The following ARHGAP24 variants were observed in gnomAD, a reference collection of about 807,000 sequenced individuals.
The protein encoded by ARHGAP24 is Rho GTPase activating protein 24, also known as rho GTPase-activating protein 24.
ARHGAP24 carries 50 observed loss-of-function variants against 76.4 expected under a neutral mutation model. The ratio of observed to expected loss-of-function variants is 0.65; its 90% CI spans 0.52 to 0.83. ARHGAP24 has a LOEUF of 0.83. Ranked by LOEUF, ARHGAP24 falls within the 40% of genes least tolerant of loss-of-function variation. The pLI, the probability that ARHGAP24 is intolerant of heterozygous loss-of-function variation, is 0.00. For synonymous variants in ARHGAP24, 345 were observed against 323.3 expected (o/e 1.07, Z -0.72); for missense variants, 930 against 914.2 (o/e 1.02, Z -0.22).
intron 3 of ARHGAP24, among the ~76,000 whole-genome samples, chr4:85,832,561 G>A (rs564164190): frequency 2.3e-4 from 35 of 152,290 alleles, no homozygotes; most frequent in African/African-American, 7.9e-4. Flanking sequence ...TGCCATGTGC[G>A]GTGTTCAATG....
At chr4:85,647,069 G>GT (rs1206659640) in intron 2 of ARHGAP24, among the ~76,000 whole-genome samples, 2 of 152,074 alleles carry the variant, frequency 1.3e-5, no homozygotes, top group Non-Finnish European at 2.9e-5. Context: ...AAGAAACCAT[G>GT]TGATAGTAGG....
At chr4:85,901,237 A>G (rs1032605803) in intron 3 of ARHGAP24, among the ~76,000 whole-genome samples, 11 of 152,190 alleles carry the variant, frequency 7.2e-5, no homozygotes, top group African/African-American at 2.2e-4. Context: ...TGATTTACCA[A>G]TCTGAGTTGC....
chr4:85,553,348 C>T (rs1290726603), intron 1 of ARHGAP24, among the ~76,000 whole-genome samples: 2 of 152,284 alleles, frequency 1.3e-5, no homozygotes, highest in Middle Eastern at 3.4e-3. Context: ...TATTTGGCCC[C>T]ACCCACATCC....
At chr4:85,547,055 A>G (rs1725947986) in intron 1 of ARHGAP24, among the ~76,000 whole-genome samples, 1 of 152,216 alleles carries the variant, frequency 6.6e-6, no homozygotes, top group Non-Finnish European at 1.5e-5. Context: ...AATGATCAAA[A>G]AAAGAAAATG....
At chr4:85,542,659 GAAAT>G (rs1016366597) in intron 1 of ARHGAP24, among the ~76,000 whole-genome samples, 6 of 151,970 alleles carry the variant, frequency 3.9e-5, no homozygotes, top group Non-Finnish European at 8.8e-5. Flanking sequence ...TAAAACAAAA[GAAAT>G]AAAGACATTA....
chr4:85,597,641 T>C (rs892382574), intron 2 of ARHGAP24, among the ~76,000 whole-genome samples: 14 of 143,986 alleles, frequency 9.7e-5, no homozygotes, highest in Non-Finnish European at 1.7e-4. Flanking sequence ...TTTTTTTTTT[T>C]CTGACTAGAC....
At chr4:85,759,407 T>C (rs1687698193) in intron 3 of ARHGAP24, among the ~76,000 whole-genome samples, 1 of 151,954 alleles carries the variant, frequency 6.6e-6, no homozygotes, top group African/African-American at 2.4e-5. Context: ...GTTGTGAAAA[T>C]ATGCTAGCAA....
At chr4:85,610,532 A>C (rs1720348611) in intron 2 of ARHGAP24, among the ~76,000 whole-genome samples, 1 of 118,576 alleles carries the variant, frequency 8.4e-6, no homozygotes, top group Non-Finnish European at 1.8e-5. Flanking sequence ...GATTTGACTC[A>C]GAATCACCAA....
intron 2 of ARHGAP24, among the ~76,000 whole-genome samples, chr4:85,631,862 A>C (rs1451223976): frequency 6.6e-6 from 1 of 152,022 alleles, no homozygotes; most frequent in African/African-American, 2.4e-5. Context: ...AACTGAGGTC[A>C]GACTGATTTT....
intron 9 of ARHGAP24, 142 bp from the exon 10 acceptor site, chr4:86,000,337 T>C: frequency 5.6e-6 from 4 of 709,402 alleles, no homozygotes; most frequent in Non-Finnish European, 9.8e-6. Flanking sequence ...TTTAAATCAT[T>C]GAAAGGGCTT....
chr4:85,984,351 G>C (rs890151505), intron 8 of ARHGAP24, among the ~76,000 whole-genome samples: 2 of 152,200 alleles, frequency 1.3e-5, no homozygotes, highest in Non-Finnish European at 2.9e-5. Context: ...GGAAGTCCAA[G>C]ATCAAGGCAC....
At chr4:85,517,898 G>A (rs1018820172) in intron 1 of ARHGAP24, among the ~76,000 whole-genome samples, 3 of 152,064 alleles carry the variant, frequency 2.0e-5, no homozygotes, top group African/African-American at 7.2e-5. Flanking sequence ...ATTCTAACTT[G>A]CCTAGTGATC....
At chr4:85,960,879 A>G (rs1738204379) in intron 5 of ARHGAP24, among the ~76,000 whole-genome samples, 1 of 152,150 alleles carries the variant, frequency 6.6e-6, no homozygotes, top group African/African-American at 2.4e-5. Flanking sequence ...CAGTACCTTT[A>G]TTTGTTTTCT....
intron 9 of ARHGAP24, among the ~76,000 whole-genome samples, chr4:85,998,052 T>G (rs1386619535): frequency 1.3e-5 from 2 of 152,212 alleles, no homozygotes; most frequent in Non-Finnish European, 2.9e-5. Flanking sequence ...TATTCCCTTA[T>G]TACTGGATTG....
At chr4:85,900,868 G>A (rs1288662157) in intron 3 of ARHGAP24, among the ~76,000 whole-genome samples, 2 of 152,158 alleles carry the variant, frequency 1.3e-5, no homozygotes, top group Non-Finnish European at 2.9e-5. Context: ...CCACACTGTT[G>A]ACTGTTCTCT....
At chr4:85,687,828 T>TA (rs1342108893) in intron 2 of ARHGAP24, among the ~76,000 whole-genome samples, 2 of 152,018 alleles carry the variant, frequency 1.3e-5, no homozygotes, top group African/African-American at 4.8e-5. Context: ...CTTTTTTTTT[T>TA]AAAACAGAGT....
intron 3 of ARHGAP24, among the ~76,000 whole-genome samples, chr4:85,800,999 A>G (rs1438378002): frequency 6.6e-6 from 1 of 152,240 alleles, no homozygotes; most frequent in African/African-American, 2.4e-5. Context: ...TTTTAGTTAA[A>G]TACATAAAAA....
chr4:85,880,244 T>A (rs1578337628), intron 3 of ARHGAP24, among the ~76,000 whole-genome samples: 2 of 152,208 alleles, frequency 1.3e-5, no homozygotes, highest in East Asian at 3.8e-4. Flanking sequence ...GTATTCACTC[T>A]TATGATGTAA....
chr4:85,963,667 T>C (rs1195496105), intron 5 of ARHGAP24, among the ~76,000 whole-genome samples: 4 of 152,104 alleles, frequency 2.6e-5, no homozygotes, highest in Admixed American at 1.3e-4. Context: ...TTAATTTACA[T>C]AGGCACATTA....
Sources: gnomAD v4.1 joint callset for allele counts (sites outside exome capture counted in the v4.1 genomes callset) on GRCh38, gnomAD v4.1.1 for gene constraint, MANE v1.5 for transcripts, NCBI Gene and HGNC (gene_info 2026-07-23, HGNC 2026-07-21) for gene names.